Variants in CDKAL1 observed in about 807,000 individuals in gnomAD.
CDKAL1 encodes the protein threonylcarbamoyladenosine tRNA methylthiotransferase.
CDKAL1 carries 32 observed loss-of-function variants against 68.2 expected under a neutral mutation model. The observed-to-expected ratio is 0.47, with a 90% CI of 0.35 to 0.63. The LOEUF (loss-of-function observed/expected upper bound fraction) is 0.63, where lower values mean the gene tolerates loss of function less well. CDKAL1 is among the 30% of genes least tolerant of loss of function. The probability of loss-of-function intolerance (pLI) is 0.00; values close to 1 mark genes in which losing one functional copy is unlikely to be tolerated. For synonymous variants in CDKAL1, 234 were observed against 244.3 expected (o/e 0.96, Z 0.39); for missense variants, 606 against 696.7 (o/e 0.87, Z 1.47).
chr6:20,940,597 C>T lies in CDKAL1; in HGVS notation c.743-14822C>T, dbSNP rs533285332. 9.2e-5 allele frequency among the ~76,000 whole-genome samples: 14 copies of T among 152,254 alleles called. No homozygotes were observed. In the South Asian group the frequency reaches 2.9e-3, roughly 32 times the overall value. ...GGAGATGGAGCCTCTCTCTTTTGCC[C>T]AGGCTGGAGTGCAAAATGGCTCAAT... On this transcript the variant is annotated intron_variant, in intron 9 of 15. Coordinates refer to ENST00000274695, the MANE Select transcript of CDKAL1 (RefSeq NM_017774.3).
At chr6:21,158,325 A>G (rs1305326260) in intron 13 of CDKAL1, among the ~76,000 whole-genome samples, 1 of 152,198 alleles carries the variant, frequency 6.6e-6, no homozygotes, top group Non-Finnish European at 1.5e-5. Context: ...CAATGCATCA[A>G]ATTATCTTGC....
chr6:20,875,523 A>G (rs1274070166), intron 9 of CDKAL1, among the ~76,000 whole-genome samples: 1 of 152,048 alleles, frequency 6.6e-6, no homozygotes, highest in Non-Finnish European at 1.5e-5. Flanking sequence ...CATGTTCACC[A>G]TTGTCTCTGA....
At chr6:20,631,539 A>G (rs897894005) in intron 4 of CDKAL1, among the ~76,000 whole-genome samples, 14 of 152,066 alleles carry the variant, frequency 9.2e-5, no homozygotes, top group African/African-American at 3.4e-4. Context: ...TATTTTTGCA[A>G]CCATCTCTTC....
At chr6:20,613,051 T>A (rs1173542246) in intron 4 of CDKAL1, among the ~76,000 whole-genome samples, 1 of 141,800 alleles carries the variant, frequency 7.1e-6, no homozygotes, top group African/African-American at 2.6e-5. Context: ...ACACAAAGGG[T>A]ATGGATTTAT....
chr6:20,731,363 G>A (rs1772917343), intron 5 of CDKAL1, among the ~76,000 whole-genome samples: 1 of 152,172 alleles, frequency 6.6e-6, no homozygotes, highest in Non-Finnish European at 1.5e-5. Flanking sequence ...TGGTAGCTGT[G>A]GGGATGGTGA....
intron 10 of CDKAL1, among the ~76,000 whole-genome samples, chr6:20,978,818 A>G (rs892856180): frequency 2.6e-5 from 4 of 152,160 alleles, no homozygotes; most frequent in African/African-American, 9.7e-5. Flanking sequence ...TGGCTAGTGA[A>G]TGTGGGATTG....
chr6:20,862,898 G>A (rs539041401), intron 9 of CDKAL1, among the ~76,000 whole-genome samples: 18 of 152,218 alleles, frequency 1.2e-4, no homozygotes, highest in Admixed American at 1.1e-3. Flanking sequence ...GTGGTGGTGG[G>A]TGCCTGTAAT....
At chr6:20,659,003 T>TTA (rs2127769055) in intron 5 of CDKAL1, among the ~76,000 whole-genome samples, 1 of 151,044 alleles carries the variant, frequency 6.6e-6, no homozygotes, top group African/African-American at 2.5e-5. Flanking sequence ...TATTATTATT[T>TTA]TTTTTTAGTA....
At chr6:21,018,078 G>T (rs1419093182) in intron 11 of CDKAL1, among the ~76,000 whole-genome samples, 1 of 152,138 alleles carries the variant, frequency 6.6e-6, no homozygotes, top group Non-Finnish European at 1.5e-5. Context: ...CAATCAGGAG[G>T]CTCTGCATTC....
chr6:21,091,133 G>T (rs1479973147), intron 12 of CDKAL1, among the ~76,000 whole-genome samples: 1 of 152,164 alleles, frequency 6.6e-6, no homozygotes, highest in Admixed American at 6.5e-5. Context: ...TAGAAGGAAA[G>T]ATTAAGACAG....
At chr6:20,810,632 GTGTGT>G (rs1776772422) in intron 8 of CDKAL1, among the ~76,000 whole-genome samples, 1 of 48,980 alleles carries the variant, frequency 2.0e-5, no homozygotes, top group South Asian at 4.6e-4. Context: ...GTATGGGTGT[GTGTGT>G]GTGTGTGTGT....
At chr6:20,595,710 C>T (rs1276023745) in intron 4 of CDKAL1, among the ~76,000 whole-genome samples, 1 of 151,608 alleles carries the variant, frequency 6.6e-6, no homozygotes, top group African/African-American at 2.4e-5. Flanking sequence ...CAGTTTTGTT[C>T]CCTTGCTGGC....
intron 9 of CDKAL1, among the ~76,000 whole-genome samples, chr6:20,949,498 T>A (rs756784846): frequency 6.6e-6 from 1 of 152,204 alleles, no homozygotes; most frequent in Non-Finnish European, 1.5e-5. Context: ...TTTCAAATGT[T>A]AGCTGAAATA....
chr6:20,918,348 C>G (rs889287632), intron 9 of CDKAL1, among the ~76,000 whole-genome samples: 5 of 152,178 alleles, frequency 3.3e-5, no homozygotes, highest in African/African-American at 1.2e-4. Flanking sequence ...CAATACCATT[C>G]AACTATCACA....
intron 13 of CDKAL1, among the ~76,000 whole-genome samples, chr6:21,194,248 C>T (rs537000751): frequency 6.6e-6 from 1 of 152,318 alleles, no homozygotes; most frequent in Admixed American, 6.5e-5. Flanking sequence ...GGCTGCCAGT[C>T]ACACATTTTA....
intron 11 of CDKAL1, among the ~76,000 whole-genome samples, chr6:21,062,688 C>T (rs1472414329): frequency 6.6e-6 from 1 of 152,066 alleles, no homozygotes; most frequent in Non-Finnish European, 1.5e-5. Flanking sequence ...AAATTAGGAA[C>T]AAAATATTTT....
chr6:20,862,658 TGTGTGCGCGC>T (rs893571990), intron 9 of CDKAL1, among the ~76,000 whole-genome samples: 1 of 147,452 alleles, frequency 6.8e-6, no homozygotes, highest in African/African-American at 2.7e-5. Context: ...TGTGTGTGTG[TGTGTGCGCGC>T]GTGCATGCGC....
intron 13 of CDKAL1, among the ~76,000 whole-genome samples, chr6:21,154,416 C>T (rs894644790): frequency 6.6e-6 from 1 of 152,190 alleles, no homozygotes; most frequent in African/African-American, 2.4e-5. Context: ...GAGTAACTTA[C>T]TTTCTATAAA....
chr6:20,829,776 A>T (rs1361584589), intron 8 of CDKAL1, among the ~76,000 whole-genome samples: 1 of 152,242 alleles, frequency 6.6e-6, no homozygotes, highest in Non-Finnish European at 1.5e-5. Context: ...GTGGGTCTAC[A>T]AACACTTTAG....
Sources: gnomAD v4.1 joint callset for allele counts (sites outside exome capture counted in the v4.1 genomes callset) on GRCh38, gnomAD v4.1.1 for gene constraint, MANE v1.5 for transcripts, NCBI Gene and HGNC (gene_info 2026-07-23, HGNC 2026-07-21) for gene names.